SOCS2: variants seen among roughly 807,000 people sequenced by gnomAD.
SOCS2 encodes suppressor of cytokine signaling 2.
Under a neutral mutation model 18.6 loss-of-function variants are expected in SOCS2, and 10 were observed. The ratio of observed to expected loss-of-function variants is 0.54; its 90% confidence interval spans 0.33 to 0.91. The LOEUF is 0.91. Among genes scored for constraint, SOCS2 ranks in the 40% least tolerant of loss-of-function variants. SOCS2 has a pLI of 0.02. For synonymous variants in SOCS2, 104 were observed against 104.0 expected (o/e 1.00, Z 0.00); for missense variants, 231 against 247.2 (o/e 0.93, Z 0.44).
At chr12:93,618,797 A>G in the SOCS2 span, among the ~76,000 whole-genome samples, 1 of 152,234 alleles carries the variant, frequency 6.6e-6, no homozygotes, top group Non-Finnish European at 1.5e-5. Context: ...TGTTTACCAG[A>G]ACATAAGCCC....
chr12:93,598,378 T>C, the SOCS2 span, among the ~76,000 whole-genome samples: 4 of 151,804 alleles, frequency 2.6e-5, no homozygotes, highest in Non-Finnish European at 5.9e-5. Flanking sequence ...ACCAAAGAGA[T>C]GGCACCGAGG....
At chr12:93,608,838 A>G in the SOCS2 span, among the ~76,000 whole-genome samples, 2 of 152,192 alleles carry the variant, frequency 1.3e-5, no homozygotes, top group African/African-American at 4.8e-5. Flanking sequence ...GGAAAGTTAT[A>G]TCCCTGAACC....
chr12:93,587,328 CTGTT>C (rs1954590512), downstream of SOCS2, among the ~76,000 whole-genome samples: 1 of 152,122 alleles, frequency 6.6e-6, no homozygotes, highest in African/African-American at 2.4e-5. Context: ...CTATCTGGAT[CTGTT>C]TGAAGGAGTC....
At chr12:93,607,954 G>A in the SOCS2 span, among the ~76,000 whole-genome samples, 2 of 148,370 alleles carry the variant, frequency 1.3e-5, no homozygotes, top group African/African-American at 5.0e-5. Flanking sequence ...AAATTAGTCT[G>A]TCAACTAAAT....
the SOCS2 span, among the ~76,000 whole-genome samples, chr12:93,614,411 TTCTTTCTTCCTTTCTTTC>T: frequency 7.1e-6 from 1 of 140,288 alleles, no homozygotes; most frequent in African/African-American, 2.8e-5. Context: ...CTTTCTTTCT[TTCTTTCTTCCTTTCTTTC>T]CCTTCCTTCC....
At position 93,572,947 on chromosome 12, in the gene SOCS2, G is replaced by A; in HGVS notation, c.50G>A (p.Arg17Gln). The change falls in exon 1 of 2, where the codon CGG becomes CAG. Residue 17 changes from arginine to glutamine, a missense_variant. Transcript: ENST00000551556. This position sits in a 1 kb window ranked among gnomAD's most constrained non-coding sequence, Gnocchi z 5.0. ...EPSGNGGEGTRSQWGTAGSAE... is the reference protein window; with the variant it reads ...EPSGNGGEGTQSQWGTAGSAE... ...TCCGGGAATGGCGGGGAAGGGACGC[G>A]GAGCCAGTGGGGGACCGCGGGGTCG... is the stretch of plus-strand genomic sequence containing the variant. 1.9e-6 allele frequency: 3 copies of A among 1,569,624 alleles called. No individual in the cohort carries two copies. Among genetic ancestry groups the A allele is most frequent in the South Asian group, 1.2e-5 (1 of 86,036 alleles).
chr12:93,601,964 C>A, the SOCS2 span, among the ~76,000 whole-genome samples: 4 of 152,130 alleles, frequency 2.6e-5, no homozygotes, highest in South Asian at 8.3e-4. Flanking sequence ...ATATCACTTG[C>A]TGATGACCAT....
chr12:93,573,083 C>T (rs1451106552), intron 1 of SOCS2, 47 bp downstream of exon 1: 6 of 1,541,848 alleles, frequency 3.9e-6, no homozygotes, highest in Non-Finnish European at 5.2e-6. Flanking sequence ...AGCGCCTCCC[C>T]AAGGAAGCAG....
the SOCS2 span, among the ~76,000 whole-genome samples, chr12:93,620,955 T>C: frequency 6.6e-6 from 1 of 152,196 alleles, no homozygotes; most frequent in African/African-American, 2.4e-5. Context: ...CGTCCAGCCA[T>C]ATCCATCTAT....
the SOCS2 span, among the ~76,000 whole-genome samples, chr12:93,614,501 TTCC>T: frequency 2.6e-4 from 16 of 61,816 alleles, 2 homozygotes; most frequent in East Asian, 3.1e-3. Context: ...CCTTCCTTCC[TTCC>T]TTCCTTCCTT....
the SOCS2 span, among the ~76,000 whole-genome samples, chr12:93,605,156 G>A: frequency 6.6e-6 from 1 of 152,044 alleles, no homozygotes; most frequent in South Asian, 2.1e-4. Flanking sequence ...TATACAAAAA[G>A]CACAGAGCAC....
chr12:93,602,109 T>C, the SOCS2 span, among the ~76,000 whole-genome samples: 1 of 152,138 alleles, frequency 6.6e-6, no homozygotes, highest in South Asian at 2.1e-4. Flanking sequence ...TTTGTTTTTT[T>C]AAATACAAGG....
At chr12:93,614,543 CTTTCTTTCTTTCTTT>C in the SOCS2 span, among the ~76,000 whole-genome samples, 4 of 26,730 alleles carry the variant, frequency 1.5e-4, no homozygotes, top group Admixed American at 4.9e-4. Flanking sequence ...TTCCTTCCTT[CTTTCTTTCTTTCTTT>C]CTTTCTTTCT....
At chr12:93,577,752 G>A (rs1179372123), downstream of SOCS2, among the ~76,000 whole-genome samples, 1 of 152,186 alleles carries the variant, frequency 6.6e-6, no homozygotes, top group Non-Finnish European at 1.5e-5. Flanking sequence ...ACGCCTGAAA[G>A]GGGAGCTCAT....
chr12:93,614,362 C>CTTCTTTCTTTCTTTCTTTCT, the SOCS2 span, among the ~76,000 whole-genome samples: 12 of 79,472 alleles, frequency 1.5e-4, 2 homozygotes, highest in East Asian at 3.1e-4. Context: ...AGCAATTTTC[C>CTTCTTTCTTTCTTTCTTTCT]TTCTTTCTTT....
the SOCS2 span, among the ~76,000 whole-genome samples, chr12:93,592,840 C>G: frequency 6.6e-6 from 1 of 150,624 alleles, no homozygotes; most frequent in East Asian, 2.0e-4. Context: ...AGCTATGGGA[C>G]AGGCACATGG....
rs1020189380 is a variant in SOCS2, at chr12:93,575,377, A to C, written c.*198A>C. 2.5e-6 allele frequency: 1 copy of C among 392,434 alleles called. No homozygotes were observed. The highest frequency in any genetic ancestry group is 2.0e-5 in the African/African-American group (1 of 48,904). The allele number at this position is 392,434 out of a possible 1,614,324, so 24.3% of individuals were successfully genotyped here. ...TCCTCCAGATACTTTTACCTGAGTG[A>C]TGCTTCCCTTCCTAAGGCTGACCAA... is the stretch of plus-strand genomic sequence containing the variant. On this transcript the variant is annotated 3_prime_UTR_variant, in exon 2 of 2. Coordinates refer to ENST00000551556, the MANE Select transcript of SOCS2 (RefSeq NM_001270471.2).
exon 2 of SOCS2, chr12:93,583,229 G>C (rs1954562802): frequency 6.6e-6 from 1 of 152,166 alleles, no homozygotes; most frequent in African/African-American, 2.4e-5. Flanking sequence ...CTGGAAGGCT[G>C]TCTTCGCTCT....
the SOCS2 span, among the ~76,000 whole-genome samples, chr12:93,604,605 A>AT: frequency 6.6e-6 from 1 of 152,180 alleles, no homozygotes; most frequent in African/African-American, 2.4e-5. Context: ...ACCTATTAAC[A>AT]TATGAGCAAG....
Sources: allele counts gnomAD v4.1 joint callset (sites outside exome capture counted in the v4.1 genomes callset), GRCh38; gene constraint gnomAD v4.1.1; non-coding constraint Gnocchi (gnomAD v3.1); transcripts MANE v1.5; gene names NCBI Gene and HGNC (gene_info 2026-07-23, HGNC 2026-07-21).